ARHGAP24: variants seen among roughly 807,000 people sequenced by gnomAD.
The protein encoded by ARHGAP24 is rho GTPase-activating protein 24.
ARHGAP24 carries 50 observed loss-of-function variants against 76.4 expected under a neutral mutation model. That is an observed-to-expected ratio of 0.65 (90% CI 0.52 to 0.83). The LOEUF (loss-of-function observed/expected upper bound fraction) is 0.83, where lower values mean the gene tolerates loss of function less well. Ranked by LOEUF, ARHGAP24 falls within the 40% of genes least tolerant of loss-of-function variation. The pLI is 0.00. For missense variants in ARHGAP24, 930 were observed against 914.2 expected, an observed-to-expected ratio of 1.02 and a Z score of -0.22; for synonymous variants, 345 against 323.3, an observed-to-expected ratio of 1.07 and a Z score of -0.72.
chr4:85,745,266 C>T (rs974654080), intron 3 of ARHGAP24, among the ~76,000 whole-genome samples: 1 of 142,766 alleles, frequency 7.0e-6, no homozygotes, highest in Non-Finnish European at 1.6e-5. Flanking sequence ...TGGCGAGAGA[C>T]CCCAGTAACT....
chr4:85,641,924 A>C (rs72982090), intron 2 of ARHGAP24, among the ~76,000 whole-genome samples: 3,732 of 152,234 alleles, frequency 0.025, 169 homozygotes, highest in African/African-American at 0.085. Flanking sequence ...ATGATTGATA[A>C]CCATGTAGAA....
Position 86,000,461 on chromosome 4 carries a change from C to T in ARHGAP24, c.2004-18C>T. ...CTCTTGCGTCCCCACCCCCCACCCC[C>T]CCCAACATCCTTTGTAGCTTAGAAC... On this transcript the variant is annotated intron_variant, in intron 9 of 9. Coordinates refer to ENST00000395184, the MANE Select transcript of ARHGAP24 (RefSeq NM_001025616.3). The T allele has an allele frequency of 1.2e-6, 1 of 861,120 alleles. No homozygotes were observed. The highest frequency in any genetic ancestry group is 1.7e-6 in the Non-Finnish European group (1 of 571,592). The allele number at this position is 861,120 out of a possible 1,614,324, so 53.3% of individuals were successfully genotyped here. A position where few individuals can be genotyped will look rare whatever the true frequency, so the allele number is the denominator to read the frequency against.
intron 2 of ARHGAP24, among the ~76,000 whole-genome samples, chr4:85,694,031 A>G (rs1313955802): frequency 6.6e-6 from 1 of 152,144 alleles, no homozygotes; most frequent in African/African-American, 2.4e-5. Context: ...CAGGGCCAGG[A>G]ACTAGCCCTA....
At chr4:85,573,919 C>CT (rs1727252857) in intron 2 of ARHGAP24, among the ~76,000 whole-genome samples, 1 of 152,152 alleles carries the variant, frequency 6.6e-6, no homozygotes, top group Admixed American at 6.5e-5. Context: ...GTATTTCTTG[C>CT]TTTTTTCTTT....
At chr4:85,916,248 C>A (rs1337286807) in intron 3 of ARHGAP24, among the ~76,000 whole-genome samples, 2 of 151,378 alleles carry the variant, frequency 1.3e-5, no homozygotes, top group Non-Finnish European at 2.9e-5. Context: ...TCCTTCACCA[C>A]TTTTTGGTGG....
At chr4:85,478,752 T>A (rs1215320706) in intron 1 of ARHGAP24, among the ~76,000 whole-genome samples, 2 of 152,230 alleles carry the variant, frequency 1.3e-5, no homozygotes. Context: ...TCTCCTGGAA[T>A]GCCTTCTGTC....
intron 2 of ARHGAP24, among the ~76,000 whole-genome samples, chr4:85,622,548 T>C (rs1299786723): frequency 1.3e-5 from 2 of 151,966 alleles, no homozygotes; most frequent in Non-Finnish European, 1.5e-5. Context: ...ATAGTGCTGC[T>C]ATAAACATAC....
chr4:85,989,150 G>A (rs901942489), intron 8 of ARHGAP24, among the ~76,000 whole-genome samples: 8 of 151,456 alleles, frequency 5.3e-5, no homozygotes, highest in Non-Finnish European at 1.2e-4. Flanking sequence ...AAAACTCATC[G>A]TACTGATCAG....
At chr4:85,583,635 T>C (rs887910953) in intron 2 of ARHGAP24, among the ~76,000 whole-genome samples, 8 of 151,266 alleles carry the variant, frequency 5.3e-5, no homozygotes, top group Non-Finnish European at 8.8e-5. Flanking sequence ...CAAAAGAAAC[T>C]ACCATCAGAG....
intron 9 of ARHGAP24, among the ~76,000 whole-genome samples, chr4:85,998,650 AT>A: frequency 6.6e-6 from 1 of 151,972 alleles, no homozygotes; most frequent in South Asian, 2.1e-4. Flanking sequence ...TATAATTATC[AT>A]TTTTGAGGCA....
At chr4:85,538,590 C>T (rs1725563194) in intron 1 of ARHGAP24, among the ~76,000 whole-genome samples, 1 of 152,132 alleles carries the variant, frequency 6.6e-6, no homozygotes. Context: ...ATTGTGTCTC[C>T]ACGCACCTAT....
At chr4:85,782,469 A>T (rs144667607) in intron 3 of ARHGAP24, among the ~76,000 whole-genome samples, 96 of 152,350 alleles carry the variant, frequency 6.3e-4, no homozygotes, top group African/African-American at 2.3e-3. Flanking sequence ...GTTAGCATTC[A>T]CTGATAACAC....
At chr4:85,876,152 C>T (rs1486335285) in intron 3 of ARHGAP24, among the ~76,000 whole-genome samples, 2 of 152,128 alleles carry the variant, frequency 1.3e-5, no homozygotes, top group Non-Finnish European at 2.9e-5. Context: ...GCAGAATATA[C>T]ATGCTGTACA....
intron 3 of ARHGAP24, among the ~76,000 whole-genome samples, chr4:85,844,883 T>A (rs1260038666): frequency 1.3e-5 from 2 of 152,162 alleles, no homozygotes; most frequent in African/African-American, 2.4e-5. Flanking sequence ...GATGTAGGTG[T>A]ATAGGGGATG....
At chr4:85,985,884 G>C (rs1739957450) in intron 8 of ARHGAP24, among the ~76,000 whole-genome samples, 1 of 152,210 alleles carries the variant, frequency 6.6e-6, no homozygotes, top group South Asian at 2.1e-4. Context: ...CCTGATCTGA[G>C]TGAGTGTAAT....
chr4:85,994,743 C>T lies in ARHGAP24; in HGVS notation c.1089C>T (p.Asn363=), dbSNP rs1296233689. ...ATMGQLQNKE[N]NNTKDSPSRQ... is the part of the protein sequence containing the mutation. ...TGGGGCAGTTACAGAACAAGGAGAA[C>T]AATAACACCAAGGACAGCCCTAGTA... Residue 363 remains asparagine (N), a synonymous_variant, in exon 9 of 10, where the codon AAC becomes AAT. Transcript: ENST00000395184. 3 of 1,614,072 alleles carry T rather than the reference C, an allele frequency of 1.9e-6. No individual in the cohort carries two copies. Among genetic ancestry groups the T allele is most frequent in the Non-Finnish European group, 1.7e-6 (2 of 1,180,000 alleles).
At position 85,965,968 on chromosome 4, in the gene ARHGAP24, A is replaced by C. The variant is rs549316953; in HGVS notation, c.600-6068A>C. Among the ~76,000 whole-genome samples the C allele has an allele frequency of 8.5e-5, 13 of 152,304 alleles. No individual in the cohort carries two copies. In the South Asian group the frequency reaches 2.7e-3, roughly 32 times the overall value. On this transcript the variant is annotated intron_variant, in intron 5 of 9. Transcript: ENST00000395184. Reference sequence around the variant, plus strand: ...GTTGTTTTAGTCAATTCAAACTGTCATAATAAAATACTGTAGACTGGTAGC... The same window carrying C: ...GTTGTTTTAGTCAATTCAAACTGTCCTAATAAAATACTGTAGACTGGTAGC...
At chr4:85,641,163 T>C (rs979568190) in intron 2 of ARHGAP24, among the ~76,000 whole-genome samples, 1 of 152,102 alleles carries the variant, frequency 6.6e-6, no homozygotes, top group Non-Finnish European at 1.5e-5. Context: ...GTAGAACAAT[T>C]ATAGCTCACT....
At position 85,643,550 on chromosome 4, in the gene ARHGAP24, G is replaced by A. The variant is rs920776328; in HGVS notation, c.180+72829G>A. On this transcript the variant is annotated intron_variant, in intron 2 of 9. Transcript: ENST00000395184. ...TGGGATTACAGGCGTGAGCCACCGC[G>A]CCCGGCCTTTTTTTGTGTTTTGTTC... 5.2e-4 allele frequency among the ~76,000 whole-genome samples: 40 copies of A among 77,668 alleles called. 6 individuals are homozygous for A. The highest frequency in any genetic ancestry group is 7.7e-4 in the Non-Finnish European group (27 of 34,854). The allele number at this position is 77,668 out of a possible 152,430, so 51.0% of individuals were successfully genotyped here.
Sources: gnomAD v4.1 joint callset for allele counts (sites outside exome capture counted in the v4.1 genomes callset) on GRCh38, gnomAD v4.1.1 for gene constraint, MANE v1.5 for transcripts, NCBI Gene and HGNC (gene_info 2026-07-23, HGNC 2026-07-21) for gene names.